The following ST18 variants were observed in gnomAD, a reference collection of about 807,000 sequenced individuals.
The protein encoded by ST18 is suppression of tumorigenicity 18 protein.
ST18 carries 50 observed loss-of-function variants against 110.0 expected under a neutral mutation model. The observed-to-expected ratio is 0.45, with a 90% confidence interval of 0.36 to 0.58. ST18 has a LOEUF of 0.58. ST18 is among the 20% of genes least tolerant of loss of function. The pLI is 0.00. For missense variants in ST18, 1,306 were observed against 1,280.1 expected, an observed-to-expected ratio of 1.02 and a Z score of -0.31; for synonymous variants, 461 against 452.4, an observed-to-expected ratio of 1.02 and a Z score of -0.24.
At chr8:52,369,494 C>T (rs1245464841) in intron 2 of ST18, among the ~76,000 whole-genome samples, 1 of 152,152 alleles carries the variant, frequency 6.6e-6, no homozygotes, top group Non-Finnish European at 1.5e-5. Flanking sequence ...TTCAAGAAGC[C>T]CAGATTCTGA....
intron 19 of ST18, among the ~76,000 whole-genome samples, chr8:52,135,179 C>A (rs1405376507): frequency 6.6e-6 from 1 of 152,154 alleles, no homozygotes; most frequent in African/African-American, 2.4e-5. Context: ...TTAGTCTCTA[C>A]TTACTACTTA....
At chr8:52,208,787 T>G (rs373976450) in intron 8 of ST18, among the ~76,000 whole-genome samples, 1 of 152,138 alleles carries the variant, frequency 6.6e-6, no homozygotes, top group African/African-American at 2.4e-5. Context: ...CACTGCACTC[T>G]AGCCTGGGCG....
intron 3 of ST18, among the ~76,000 whole-genome samples, chr8:52,225,815 G>A (rs889466286): frequency 6.6e-6 from 1 of 152,162 alleles, no homozygotes; most frequent in Admixed American, 6.5e-5. Flanking sequence ...AGTGAGTGCT[G>A]ATAAATATAG....
intron 2 of ST18, among the ~76,000 whole-genome samples, chr8:52,277,969 T>G (rs1262721457): frequency 6.6e-6 from 1 of 152,146 alleles, no homozygotes; most frequent in African/African-American, 2.4e-5. Context: ...ACAGGACACT[T>G]CATTAGGTTT....
intron 15 of ST18, among the ~76,000 whole-genome samples, chr8:52,158,308 A>C (rs2060516052): frequency 6.6e-6 from 1 of 152,184 alleles, no homozygotes; most frequent in South Asian, 2.1e-4. Flanking sequence ...TTTGTATTTG[A>C]ATGCCCTGAG....
intron 2 of ST18, among the ~76,000 whole-genome samples, chr8:52,374,220 G>A (rs2140683815): frequency 6.6e-6 from 1 of 152,240 alleles, no homozygotes; most frequent in East Asian, 1.9e-4. Flanking sequence ...ACTACATTAG[G>A]GTGTCCTTAA....
chr8:52,332,397 C>T lies in ST18; in HGVS notation c.-465+76931G>A, dbSNP rs1809934074. The stretch of plus-strand genomic sequence containing the variant: ...AAACCTTGCTCAGTGTTTCTTTACA[C>T]ATTGAATTCAAGAGAAGAGAATTCT... On this transcript the variant is annotated intron_variant, in intron 2 of 25. Transcript: ENST00000689386. Among the ~76,000 whole-genome samples, 5 of 152,236 alleles carry T rather than the reference C, an allele frequency of 3.3e-5. No homozygotes were observed. In the South Asian group the frequency reaches 1.0e-3, roughly 32 times the overall value.
chr8:52,171,776 C>T lies in ST18; in HGVS notation c.1069+16G>A. The T allele has an allele frequency of 1.9e-6, 3 of 1,601,548 alleles. No individual in the cohort carries two copies. Among genetic ancestry groups the T allele is most frequent in the South Asian group, 1.1e-5 (1 of 88,836 alleles). Reference sequence around the variant, plus strand: ...TGCACTTTTATTCCTAAAATAAATGCAAAAATGTGTCTTACGTTTATTGTT... The same window carrying T: ...TGCACTTTTATTCCTAAAATAAATGTAAAAATGTGTCTTACGTTTATTGTT... On this transcript the variant is annotated intron_variant, in intron 10 of 25. Coordinates refer to ENST00000689386, the MANE Select transcript of ST18 (RefSeq NM_001352837.2).
At chr8:52,277,328 A>G (rs1057406603) in intron 2 of ST18, among the ~76,000 whole-genome samples, 1 of 152,132 alleles carries the variant, frequency 6.6e-6, no homozygotes, top group African/African-American at 2.4e-5. Flanking sequence ...GACATCATAA[A>G]CCACCTCTAG....
At chr8:52,246,581 G>T (rs2093875978) in intron 2 of ST18, 1 of 152,230 alleles carries the variant, frequency 6.6e-6, no homozygotes, top group East Asian at 1.9e-4. Flanking sequence ...TTTTTAACAT[G>T]TTACCTTAGT....
intron 8 of ST18, among the ~76,000 whole-genome samples, chr8:52,205,910 G>A (rs1004969780): frequency 3.9e-5 from 6 of 152,182 alleles, no homozygotes; most frequent in African/African-American, 1.4e-4. Context: ...TTATGAAGAT[G>A]TGGTAGGGTT....
At chr8:52,141,049 C>G (rs934071287) in intron 17 of ST18, among the ~76,000 whole-genome samples, 1 of 152,072 alleles carries the variant, frequency 6.6e-6, no homozygotes, top group East Asian at 1.9e-4. Context: ...GTGTTCAAGC[C>G]GATTTAAGTT....
rs558931578 is a variant in ST18, at chr8:52,155,445, G to A, written c.1806+3453C>T. Among the ~76,000 whole-genome samples, 175 of 152,230 alleles carry A rather than the reference G, an allele frequency of 1.1e-3. 2 individuals carry two copies. The highest frequency in any genetic ancestry group is 3.8e-3 in the African/African-American group (158 of 41,534). ...ATCTTCTGCCTCTGGGACATAATGG[G>A]CTCTGGTTTGGGCAGTGATTGGCAA... On this transcript the variant is annotated intron_variant, in intron 15 of 25. Transcript: ENST00000689386.
chr8:52,285,631 G>T (rs555949771), intron 2 of ST18, among the ~76,000 whole-genome samples: 1 of 152,318 alleles, frequency 6.6e-6, no homozygotes, highest in South Asian at 2.1e-4. Context: ...TGGGGATCAA[G>T]GCTAGAATTT....
Position 52,118,348 on chromosome 8 carries a change from A to G in ST18, c.2849T>C (p.Leu950Pro). 6.2e-7 allele frequency: 1 copy of G among 1,602,470 alleles called. No individual in the cohort carries two copies. Among genetic ancestry groups the G allele is most frequent in the Non-Finnish European group, 8.5e-7 (1 of 1,174,226 alleles). The stretch of plus-strand genomic sequence containing the variant: ...ACTTCTTTTTTTTACCTGGGTCTGA[A>G]GTTTCATCATATCTGCTTCAATTTT... ...NLKIEADMMK[L>P]QTQITSMESN... The change falls in exon 24 of 26, where the codon CTT becomes CCT. Residue 950 changes from leucine to proline, a missense_variant. Coordinates refer to ENST00000689386, the MANE Select transcript of ST18 (RefSeq NM_001352837.2).
chr8:52,250,646 C>A (rs1274108869), intron 2 of ST18, among the ~76,000 whole-genome samples: 1 of 146,580 alleles, frequency 6.8e-6, no homozygotes, highest in Non-Finnish European at 1.5e-5. Context: ...AAACACCATT[C>A]ATGAAATCAC....
At chr8:52,164,836 A>G (rs2062432094) in intron 12 of ST18, among the ~76,000 whole-genome samples, 1 of 152,224 alleles carries the variant, frequency 6.6e-6, no homozygotes, top group South Asian at 2.1e-4. Context: ...TTCTGGAGCA[A>G]AAGACAGCAC....
intron 8 of ST18, among the ~76,000 whole-genome samples, chr8:52,192,851 C>T (rs1273937044): frequency 6.6e-6 from 1 of 152,180 alleles, no homozygotes; most frequent in East Asian, 1.9e-4. Context: ...ACTTTGAGCT[C>T]AGACTCCTTT....
intron 22 of ST18, among the ~76,000 whole-genome samples, chr8:52,128,853 G>T (rs913786616): frequency 6.6e-6 from 1 of 152,072 alleles, no homozygotes; most frequent in Non-Finnish European, 1.5e-5. Context: ...AGCTCACAGG[G>T]TTTTGCAAAG....
Sources: allele counts gnomAD v4.1 joint callset (sites outside exome capture counted in the v4.1 genomes callset), GRCh38; gene constraint gnomAD v4.1.1; transcripts MANE v1.5; gene names NCBI Gene and HGNC (gene_info 2026-07-23, HGNC 2026-07-21).